WWOX: variants seen among roughly 807,000 people sequenced by gnomAD.
WWOX encodes WW domain-containing oxidoreductase.
WWOX carries 69 observed loss-of-function variants against 46.2 expected under a neutral mutation model. That is an observed-to-expected ratio of 1.49 (90% confidence interval 1.23 to 1.82). The LOEUF (loss-of-function observed/expected upper bound fraction) is 1.82, where lower values mean the gene tolerates loss of function less well. Among genes scored for constraint, WWOX ranks in the 40% most tolerant of loss-of-function variants. The probability of loss-of-function intolerance (pLI) is 0.00; values close to 1 mark genes in which losing one functional copy is unlikely to be tolerated. For missense variants in WWOX, 919 were observed against 542.6 expected (o/e 1.69, Z -6.89); for synonymous variants, 359 against 202.6 (o/e 1.77, Z -6.56).
chr16:79,055,032 G>A (rs1366196147), intron 8 of WWOX, among the ~76,000 whole-genome samples: 1 of 152,140 alleles, frequency 6.6e-6, no homozygotes, highest in Non-Finnish European at 1.5e-5. Flanking sequence ...GCTTTCCCAT[G>A]GAGTTTATAT....
intron 5 of WWOX, among the ~76,000 whole-genome samples, chr16:78,190,090 G>C (rs1003940725): frequency 6.6e-6 from 1 of 152,212 alleles, no homozygotes; most frequent in South Asian, 2.1e-4. Flanking sequence ...AAAGTGAGGG[G>C]GGTGGTGGTA....
intron 8 of WWOX, among the ~76,000 whole-genome samples, chr16:78,884,230 G>A (rs1427741221): frequency 7.1e-6 from 1 of 141,844 alleles, no homozygotes; most frequent in Non-Finnish European, 1.5e-5. Flanking sequence ...CTGTGATTAG[G>A]TCCCTGCACT....
Position 78,356,732 on chromosome 16 carries a change from A to C in WWOX, c.517-30128A>C, listed in dbSNP as rs1467563820. On this transcript the variant is annotated intron_variant, in intron 5 of 8. Coordinates refer to ENST00000566780, the MANE Select transcript of WWOX (RefSeq NM_016373.4). The stretch of plus-strand genomic sequence containing the variant: ...CCCGTCTCTACTAAAAATAGAAAAA[A>C]TTAGCCGGGCATAGTGGCATGAGCC... Among the ~76,000 whole-genome samples, 3 of 152,224 alleles carry C rather than the reference A, an allele frequency of 2.0e-5. No homozygotes were observed. In the East Asian group the frequency reaches 5.8e-4, roughly 29 times the overall value.
At chr16:78,426,721 T>C (rs1472066550) in intron 7 of WWOX, among the ~76,000 whole-genome samples, 1 of 152,192 alleles carries the variant, frequency 6.6e-6, no homozygotes, top group Non-Finnish European at 1.5e-5. Context: ...TGCAGTGCAG[T>C]GGCATGATCT....
chr16:78,883,056 C>A (rs35977799), intron 8 of WWOX, among the ~76,000 whole-genome samples: 1 of 151,990 alleles, frequency 6.6e-6, no homozygotes, highest in Non-Finnish European at 1.5e-5. Context: ...AGCACCTTAG[C>A]GGTTCGCCTT....
At chr16:78,394,939 C>A (rs537124915) in intron 6 of WWOX, among the ~76,000 whole-genome samples, 54 of 152,186 alleles carry the variant, frequency 3.5e-4, no homozygotes, top group Non-Finnish European at 7.1e-4. Context: ...GAAAATCTCT[C>A]AGCGTCACTT....
intron 8 of WWOX, among the ~76,000 whole-genome samples, chr16:78,747,470 A>G (rs913303991): frequency 1.3e-5 from 2 of 152,150 alleles, no homozygotes; most frequent in East Asian, 1.9e-4. Flanking sequence ...TGAAGTGCTC[A>G]TTATGTGCCA....
chr16:78,827,617 G>A (rs1392516751), intron 8 of WWOX, among the ~76,000 whole-genome samples: 1 of 151,800 alleles, frequency 6.6e-6, no homozygotes, highest in Non-Finnish European at 1.5e-5. Context: ...TGGGTCACCT[G>A]AGGTCAGGAC....
intron 8 of WWOX, among the ~76,000 whole-genome samples, chr16:78,598,494 C>A (rs559492115): frequency 6.6e-6 from 1 of 152,294 alleles, no homozygotes; most frequent in Admixed American, 6.5e-5. Context: ...TACAATTCAG[C>A]AAATAGCCAG....
At chr16:78,917,858 C>T (rs1320393704) in intron 8 of WWOX, among the ~76,000 whole-genome samples, 2 of 152,070 alleles carry the variant, frequency 1.3e-5, no homozygotes, top group East Asian at 3.9e-4. Flanking sequence ...ATCAGAAATA[C>T]TGATATCCTA....
chr16:78,176,766 G>A lies in WWOX; in HGVS notation c.516+12477G>A, dbSNP rs563108379. The stretch of plus-strand genomic sequence containing the variant: ...GGAGAGAATTAGTTGATGAATTACA[G>A]GATGCTTAAAATCTACATCAAATTG... On this transcript the variant is annotated intron_variant, in intron 5 of 8. Coordinates refer to ENST00000566780, the MANE Select transcript of WWOX (RefSeq NM_016373.4). Among the ~76,000 whole-genome samples, 9 of 152,214 alleles carry A rather than the reference G, an allele frequency of 5.9e-5. No homozygotes were observed. In the South Asian group the frequency reaches 1.7e-3, roughly 28 times the overall value.
At chr16:78,703,236 A>G (rs1013634019) in intron 8 of WWOX, among the ~76,000 whole-genome samples, 2 of 151,950 alleles carry the variant, frequency 1.3e-5, no homozygotes, top group South Asian at 4.2e-4. Flanking sequence ...TGTCATAACT[A>G]CCCACATTCA....
intron 8 of WWOX, among the ~76,000 whole-genome samples, chr16:78,727,228 G>A (rs1243910161): frequency 1.3e-5 from 2 of 152,124 alleles, no homozygotes; most frequent in African/African-American, 4.8e-5. Context: ...GTGAAACCCT[G>A]TCTCTACTAG....
At chr16:79,025,075 C>G (rs936613907) in intron 8 of WWOX, among the ~76,000 whole-genome samples, 20 of 152,226 alleles carry the variant, frequency 1.3e-4, no homozygotes, top group African/African-American at 4.6e-4. Flanking sequence ...CCCTCCCTCC[C>G]CATTCCACTC....
At chr16:78,363,197 G>A (rs1196518554) in intron 5 of WWOX, among the ~76,000 whole-genome samples, 2 of 152,074 alleles carry the variant, frequency 1.3e-5, no homozygotes, top group Non-Finnish European at 2.9e-5. Context: ...TGTGTGAATT[G>A]TGGCTTTAAA....
At chr16:78,464,698 A>G (rs530195652) in intron 8 of WWOX, among the ~76,000 whole-genome samples, 2 of 152,250 alleles carry the variant, frequency 1.3e-5, no homozygotes, top group East Asian at 3.9e-4. Context: ...CCACCCGTGC[A>G]GCAATTCTTC....
chr16:78,644,669 A>G (rs1396788248), intron 8 of WWOX, among the ~76,000 whole-genome samples: 2 of 152,108 alleles, frequency 1.3e-5, no homozygotes, highest in Non-Finnish European at 2.9e-5. Flanking sequence ...CACCATGTTT[A>G]CCAGGCTGGT....
chr16:78,493,222 C>G (rs2084829585), intron 8 of WWOX, among the ~76,000 whole-genome samples: 1 of 152,154 alleles, frequency 6.6e-6, no homozygotes, highest in Non-Finnish European at 1.5e-5. Flanking sequence ...TCTTCCTGGA[C>G]CTGACACTCA....
At position 78,327,778 on chromosome 16, in the gene WWOX, T is replaced by A. The variant is rs139074009; in HGVS notation, c.517-59082T>A. On this transcript the variant is annotated intron_variant, in intron 5 of 8. Transcript: ENST00000566780. The stretch of plus-strand genomic sequence containing the variant: ...TATTATTTAGTCTACAGTGGTTCTT[T>A]GTACAAAGTGCTTCTGCAAAGCTCT... 2.6e-3 allele frequency among the ~76,000 whole-genome samples: 396 copies of A among 152,266 alleles called. 2 individuals carry two copies. The highest frequency in any genetic ancestry group is 8.9e-3 in the African/African-American group (371 of 41,542).
Sources: gnomAD v4.1 joint callset for allele counts (sites outside exome capture counted in the v4.1 genomes callset) on GRCh38, gnomAD v4.1.1 for gene constraint, MANE v1.5 for transcripts, NCBI Gene and HGNC (gene_info 2026-07-23, HGNC 2026-07-21) for gene names.